Variants in SLC41A2 observed in about 807,000 individuals in gnomAD.
SLC41A2 encodes solute carrier family 41 member 2, also known as SLC41A1-like 1.
SLC41A2 carries 32 observed loss-of-function variants against 58.3 expected under a neutral mutation model. The observed-to-expected ratio is 0.55, with a 90% confidence interval of 0.41 to 0.74. The LOEUF is 0.74. SLC41A2 is among the 30% of genes least tolerant of loss of function. SLC41A2 has a pLI of 0.00. For missense variants in SLC41A2, 514 were observed against 680.6 expected (o/e 0.76, Z 2.72); for synonymous variants, 190 against 235.0 (o/e 0.81, Z 1.75).
At chr12:104,883,539 A>C (rs2044495410) in intron 6 of SLC41A2, among the ~76,000 whole-genome samples, 1 of 151,664 alleles carries the variant, frequency 6.6e-6, no homozygotes, top group South Asian at 2.1e-4. Flanking sequence ...GATGCTATTC[A>C]TTTCTGTTTG....
rs1351100281 is a variant in SLC41A2, at chr12:104,803,379, T to A, written c.*1773A>T. The A allele has an allele frequency of 6.6e-6, 1 of 152,156 alleles. No homozygotes were observed. Among genetic ancestry groups the A allele is most frequent in the African/African-American group, 2.4e-5 (1 of 41,466 alleles). The allele number at this position is 152,156 out of a possible 1,614,324, so 9.4% of individuals were successfully genotyped here. ...AGGAGAAATTCTATAATTAGTTCAGTTCTCTGCCTTAAAAGTTTTATTATA... is the reference window on the plus strand; with the variant it reads ...AGGAGAAATTCTATAATTAGTTCAGATCTCTGCCTTAAAAGTTTTATTATA... On this transcript the variant is annotated 3_prime_UTR_variant, in exon 11 of 11. Transcript: ENST00000258538.
chr12:104,849,902 G>C (rs1471240030), intron 8 of SLC41A2, among the ~76,000 whole-genome samples: 1 of 152,128 alleles, frequency 6.6e-6, no homozygotes, highest in African/African-American at 2.4e-5. Context: ...TCCACTCTTA[G>C]ACAAATACTC....
chr12:104,812,656 G>A (rs1371028064), intron 10 of SLC41A2, among the ~76,000 whole-genome samples: 3 of 152,048 alleles, frequency 2.0e-5, no homozygotes, highest in Non-Finnish European at 4.4e-5. Flanking sequence ...TTCAGGAAAT[G>A]GAAGAGGCAA....
upstream of SLC41A2, chr12:104,958,392 G>T (rs1250927340): frequency 6.7e-6 from 1 of 150,150 alleles, no homozygotes; most frequent in Non-Finnish European, 1.5e-5. Flanking sequence ...GGAAGCCCGG[G>T]CCTTGGTGAT....
At chr12:104,814,534 A>C (rs1386336403) in intron 10 of SLC41A2, among the ~76,000 whole-genome samples, 2 of 152,286 alleles carry the variant, frequency 1.3e-5, no homozygotes, top group African/African-American at 4.8e-5. Flanking sequence ...ATACTTATAC[A>C]TGACAAATGA....
intron 6 of SLC41A2, 46 bp from the exon 7 acceptor site, chr12:104,866,625 C>G (rs2043478160): frequency 2.7e-6 from 4 of 1,459,534 alleles, no homozygotes; most frequent in Non-Finnish European, 3.7e-6. Context: ...ATTTAAATCT[C>G]TCTTCTATGT....
At chr12:104,930,339 T>C (rs532969642) in intron 1 of SLC41A2, among the ~76,000 whole-genome samples, 2 of 152,214 alleles carry the variant, frequency 1.3e-5, no homozygotes, top group Non-Finnish European at 2.9e-5. Context: ...AACGATGTAG[T>C]CCCCGAAAGA....
Position 104,803,284 on chromosome 12 carries a change from AATATTC to A in SLC41A2, c.*1862_*1867del, listed in dbSNP as rs988398144. On this transcript the variant is annotated 3_prime_UTR_variant, in exon 11 of 11. Coordinates refer to ENST00000258538, the MANE Select transcript of SLC41A2 (RefSeq NM_001352171.3). ...TTTAAGTAAAAAATCTTTGCAGCTA[AATATTC>A]ATCAACTTAAACTTATTCTTTCTTT... The A allele has an allele frequency of 6.6e-6, 1 of 152,150 alleles. No homozygotes were observed. Among genetic ancestry groups the A allele is most frequent in the Admixed American group, 6.6e-5 (1 of 15,258 alleles). 9.4% of individuals were successfully genotyped at this position (152,150 alleles called of 1,614,324 possible).
intron 4 of SLC41A2, among the ~76,000 whole-genome samples, chr12:104,891,331 T>A (rs2044956076): frequency 6.6e-6 from 1 of 151,620 alleles, no homozygotes. Context: ...GAGAGGATGA[T>A]AAAGGAAAAG....
chr12:104,889,245 G>A (rs1806805740), intron 4 of SLC41A2, 68 bp from the exon 5 acceptor site: 1 of 1,468,252 alleles, frequency 6.8e-7, no homozygotes, highest in Non-Finnish European at 9.2e-7. Flanking sequence ...TTTTGATTAT[G>A]TAAATATTAC....
In SLC41A2 at chr12:104,853,950, A is replaced by C. The variant is rs1232732572; in HGVS notation, c.1255+7341T>G. ...TTTTTTTTTTTTTTTAGTAGAACTG[A>C]GGTCTCACTATGTTGCCTTGGCTGG... On this transcript the variant is annotated intron_variant, in intron 8 of 10. Coordinates refer to ENST00000258538, the MANE Select transcript of SLC41A2 (RefSeq NM_001352171.3). Among the ~76,000 whole-genome samples, 5 of 73,530 alleles carry C rather than the reference A, an allele frequency of 6.8e-5. No homozygotes were observed. In the South Asian group the frequency reaches 2.2e-3, roughly 32 times the overall value. 48.2% of individuals were successfully genotyped at this position (73,530 alleles called of 152,430 possible).
At chr12:104,885,543 GT>G (rs2135640073) in intron 6 of SLC41A2, among the ~76,000 whole-genome samples, 1 of 152,170 alleles carries the variant, frequency 6.6e-6, no homozygotes, top group Non-Finnish European at 1.5e-5. Flanking sequence ...ATATACTCAT[GT>G]TTTTTTCTTG....
At chr12:104,810,207 C>T (rs776577276) in intron 10 of SLC41A2, among the ~76,000 whole-genome samples, 6 of 152,008 alleles carry the variant, frequency 3.9e-5, no homozygotes, top group Non-Finnish European at 7.4e-5. Context: ...AAAAATTTGG[C>T]TATCTATAAA....
intron 10 of SLC41A2, among the ~76,000 whole-genome samples, chr12:104,833,786 T>TG (rs1491407878): frequency 4.3e-5 from 6 of 138,050 alleles, no homozygotes; most frequent in African/African-American, 1.4e-4. Context: ...AGTGTTTTGT[T>TG]GTTTTTTTTT....
At chr12:104,811,092 G>A (rs1034460543) in intron 10 of SLC41A2, among the ~76,000 whole-genome samples, 1 of 152,016 alleles carries the variant, frequency 6.6e-6, no homozygotes, top group African/African-American at 2.4e-5. Context: ...AATTGTTCAT[G>A]GCCAAAGGAT....
chr12:104,930,077 AT>A (rs1427337748), intron 1 of SLC41A2, among the ~76,000 whole-genome samples: 1 of 152,194 alleles, frequency 6.6e-6, no homozygotes, highest in East Asian at 1.9e-4. Flanking sequence ...TCTGAGGAAC[AT>A]TTTTAAAATA....
intron 2 of SLC41A2, among the ~76,000 whole-genome samples, chr12:104,912,418 G>T (rs928580473): frequency 4.6e-5 from 7 of 152,130 alleles, no homozygotes; most frequent in Non-Finnish European, 1.0e-4. Context: ...GTTGATCACC[G>T]ATGACCAGGG....
At chr12:104,922,856 GAATC>G (rs1040162449) in intron 2 of SLC41A2, among the ~76,000 whole-genome samples, 4 of 151,992 alleles carry the variant, frequency 2.6e-5, no homozygotes, top group Admixed American at 6.6e-5. Context: ...AATAAGACTA[GAATC>G]AATAAGAAGA....
intron 1 of SLC41A2, among the ~76,000 whole-genome samples, chr12:104,951,274 T>A (rs1406417998): frequency 2.6e-5 from 4 of 152,204 alleles, no homozygotes; most frequent in African/African-American, 9.7e-5. Context: ...CAGTTTCCAT[T>A]TAGTTCTACA....
Sources: gnomAD v4.1 joint callset for allele counts (sites outside exome capture counted in the v4.1 genomes callset) on GRCh38, gnomAD v4.1.1 for gene constraint, MANE v1.5 for transcripts, NCBI Gene and HGNC (gene_info 2026-07-23, HGNC 2026-07-21) for gene names.